Variants in ABCA9 observed in about 807,000 individuals in gnomAD.
The protein encoded by ABCA9 is ATP binding cassette subfamily A member 9.
In ABCA9, 183 loss-of-function variants were observed where a neutral mutation model predicts 205.3. The ratio of observed to expected loss-of-function variants is 0.89; its 90% CI spans 0.79 to 1.01. The LOEUF (loss-of-function observed/expected upper bound fraction) is 1.01. ABCA9 is among the 50% of genes least tolerant of loss of function. ABCA9 has a pLI of 0.00. For missense variants in ABCA9, 1,805 were observed against 1,912.4 expected (o/e 0.94, Z 1.05); for synonymous variants, 651 against 683.3 (o/e 0.95, Z 0.74).
chr17:69,049,461 CA>C lies in ABCA9; in HGVS notation c.125del (p.Leu42ArgfsTer27). 1 of 1,612,410 alleles carries C rather than the reference CA, an allele frequency of 6.2e-7. No homozygotes were observed. Among genetic ancestry groups the C allele is most frequent in the Non-Finnish European group, 8.5e-7 (1 of 1,179,150 alleles). Reference protein sequence around the residue: ...LEWLFSFLLVLFLYLFFSNLH... With the variant: ...LEWLFSFLLVXFLYLFFSNLH... Reference sequence around the variant, plus strand: ...AATTGGAGAAAAATAGGTACAGAAACAGTACCAGAAGAAATGAAAAGAGCCA... The same window carrying C: ...AATTGGAGAAAAATAGGTACAGAAACGTACCAGAAGAAATGAAAAGAGCCA... On this transcript the variant is annotated frameshift_variant, in exon 3 of 39. Transcript: ENST00000340001. LOFTEE classifies it high-confidence loss of function.
the ABCA9 span, chr17:69,078,821 G>A: frequency 4.0e-6 from 2 of 503,060 alleles, no homozygotes; most frequent in Non-Finnish European, 6.8e-6. Flanking sequence ...TTGAGAGGAA[G>A]AATAATTTTA....
chr17:69,078,671 T>C, the ABCA9 span: 1 of 205,770 alleles, frequency 4.9e-6, no homozygotes, highest in East Asian at 1.2e-4. Flanking sequence ...GAATGTTTTG[T>C]AAAAGGTAAA....
At chr17:69,078,805 C>T in the ABCA9 span, 1 of 473,236 alleles carries the variant, frequency 2.1e-6, no homozygotes, top group Non-Finnish European at 3.6e-6. Flanking sequence ...GCTATCACCC[C>T]TATGTTTGAG....
chr17:68,983,970 C>T lies in ABCA9; in HGVS notation c.4499+86G>A, dbSNP rs146582716. On this transcript the variant is annotated intron_variant, in intron 35 of 38. Transcript: ENST00000340001. ...GTTGGAAGCAACCATGCTAGCTCCT[C>T]ACGATGGGTAGCCTGGTGCAGGGAA... 6.8e-4 allele frequency: 1,084 copies of T among 1,602,002 alleles called. 2 individuals are homozygous for T. The highest frequency in any genetic ancestry group is 7.3e-4 in the Non-Finnish European group (861 of 1,172,578).
At chr17:69,020,284 G>A (rs942532728) in intron 19 of ABCA9, 104 bp downstream of exon 19, 1 of 1,059,232 alleles carries the variant, frequency 9.4e-7, no homozygotes, top group Non-Finnish European at 1.4e-6. Flanking sequence ...AAGACAATGT[G>A]CATTTACTGA....
At chr17:69,008,303 C>G in intron 23 of ABCA9, 68 bp from the exon 24 acceptor site, 5 of 1,431,166 alleles carry the variant, frequency 3.5e-6, no homozygotes, top group Non-Finnish European at 4.9e-6. Flanking sequence ...TGCAAATATA[C>G]AGTCATGAAA....
chr17:69,052,726 G>T (rs1257639721), intron 1 of ABCA9, among the ~76,000 whole-genome samples: 1 of 152,104 alleles, frequency 6.6e-6, no homozygotes, highest in Non-Finnish European at 1.5e-5. Context: ...AGTTACAGCA[G>T]ATCCCACAGA....
chr17:68,995,907 G>T lies in ABCA9; in HGVS notation c.3543C>A (p.Phe1181Leu), dbSNP rs2144068049. ...IPPFTLIGSL[F>L]IFSEISPDSM... ...TGGAACTACTTACCTCAGAAAAAAT[G>T]AATAGAGAGCCAATCAATGTGAAGG... The change falls in exon 26 of 39, where the codon TTC becomes TTA. Residue 1181 changes from phenylalanine to leucine, a missense_variant. Phe to Leu is a conservative substitution (Grantham distance 22). Transcript: ENST00000340001. 1 of 1,613,584 alleles carries T rather than the reference G, an allele frequency of 6.2e-7. No homozygotes were observed. Among genetic ancestry groups the T allele is most frequent in the South Asian group, 1.1e-5 (1 of 91,068 alleles).
At chr17:69,007,314 T>C (rs2070180941) in intron 25 of ABCA9, among the ~76,000 whole-genome samples, 1 of 152,096 alleles carries the variant, frequency 6.6e-6, no homozygotes, top group Non-Finnish European at 1.5e-5. Context: ...GGCAGGAGAA[T>C]TGCTTGAACA....
chr17:69,059,760 A>G (rs1055448), intron 1 of ABCA9, among the ~76,000 whole-genome samples: 131,372 of 151,716 alleles, frequency 0.87, 57,967 homozygotes, highest in East Asian at 1. Flanking sequence ...AGAACAAGAC[A>G]GGAAGACATT....
chr17:69,045,829 C>T (rs1269629872), intron 3 of ABCA9, among the ~76,000 whole-genome samples: 2 of 152,076 alleles, frequency 1.3e-5, no homozygotes, highest in Admixed American at 6.6e-5. Context: ...TGGGAGAAAC[C>T]ACCCCCATAA....
intron 25 of ABCA9, among the ~76,000 whole-genome samples, chr17:68,997,211 G>A (rs1195792380): frequency 2.6e-5 from 4 of 152,250 alleles, no homozygotes; most frequent in South Asian, 4.1e-4. Flanking sequence ...GATTACAGGC[G>A]TGAGCCATTG....
Position 69,016,391 on chromosome 17 carries a change from C to T in ABCA9, c.2902-1G>A, listed in dbSNP as rs1419397281. On this transcript the variant is annotated splice_acceptor_variant, in intron 21 of 38. Transcript: ENST00000340001. LOFTEE classifies it high-confidence loss of function. Reference sequence around the variant, plus strand: ...TACATGCTATTGAAAATCTGTGATCCTGAAATACAACAAGTACCAATTCGA... The same window carrying T: ...TACATGCTATTGAAAATCTGTGATCTTGAAATACAACAAGTACCAATTCGA... 1.9e-6 allele frequency: 3 copies of T among 1,572,844 alleles called. No individual in the cohort carries two copies. The highest frequency in any genetic ancestry group is 2.6e-6 in the Non-Finnish European group (3 of 1,164,566).
intron 25 of ABCA9, among the ~76,000 whole-genome samples, chr17:69,005,628 A>G (rs1166066857): frequency 6.6e-6 from 1 of 152,172 alleles, no homozygotes. Flanking sequence ...TGGCCACCAC[A>G]TTTCCACTTC....
At position 69,043,491 on chromosome 17, in the gene ABCA9, G is replaced by A. The variant is rs776542756; in HGVS notation, c.798C>T (p.Phe266=). Reference sequence around the variant, plus strand: ...TGGATTGGAGTCATATGATTTACCAGAATGCTGACTCTCGGAGTCCCATCA... The same window carrying A: ...TGGATTGGAGTCATATGATTTACCAAAATGCTGACTCTCGGAGTCCCATCA... The part of the protein sequence containing the change: ...MTMMGLRESA[F]WLSWGLMYAG... The change falls in exon 6 of 39, where the codon TTC becomes TTT. Residue 266 remains phenylalanine (F), a splice_region_variant and synonymous_variant. Coordinates refer to ENST00000340001, the MANE Select transcript of ABCA9 (RefSeq NM_080283.4). 1 of 1,577,754 alleles carries A rather than the reference G, an allele frequency of 6.3e-7. No homozygotes were observed. Among genetic ancestry groups the A allele is most frequent in the South Asian group, 1.2e-5 (1 of 85,322 alleles).
intron 15 of ABCA9, 128 bp downstream of exon 15, chr17:69,026,848 G>C (rs1043570369): frequency 3.4e-6 from 4 of 1,181,988 alleles, no homozygotes; most frequent in Non-Finnish European, 4.7e-6. Flanking sequence ...CCACAAATGA[G>C]TAAGAGCAAA....
At position 68,989,823 on chromosome 17, in the gene ABCA9, A is replaced by C; in HGVS notation, c.3945T>G (p.Cys1315Trp). 1 of 1,582,142 alleles carries C rather than the reference A, an allele frequency of 6.3e-7. No individual in the cohort carries two copies. Among genetic ancestry groups the C allele is most frequent in the Non-Finnish European group, 8.7e-7 (1 of 1,152,408 alleles). ...ACTACTGTTTCCAACCTTTTTTAAC[A>C]CAAAAAGAGACATTTCTTGTGGCAA... ...KKIATRNVSF[C>W]VKKGEVIGLL... Residue 1315 changes from cysteine (C) to tryptophan (W), a missense_variant, in exon 30 of 39, where the codon TGT becomes TGG. Coordinates refer to ENST00000340001, the MANE Select transcript of ABCA9 (RefSeq NM_080283.4).
At chr17:69,001,716 G>C (rs1220864080) in intron 25 of ABCA9, among the ~76,000 whole-genome samples, 1 of 149,346 alleles carries the variant, frequency 6.7e-6, no homozygotes, top group South Asian at 2.1e-4. Context: ...TTGTACCTCT[G>C]GTAGAATTCG....
chr17:68,984,175 C>G lies in ABCA9; in HGVS notation c.4380G>C (p.Trp1460Cys). The G allele has an allele frequency of 6.2e-7, 1 of 1,613,690 alleles. No individual in the cohort carries two copies. Among genetic ancestry groups the G allele is most frequent in the Non-Finnish European group, 8.5e-7 (1 of 1,179,846 alleles). Residue 1460 changes from tryptophan (W) to cysteine (C), a missense_variant and splice_region_variant, in exon 35 of 39, where the codon TGG becomes TGC. Physicochemically the swap from Trp to Cys is radical, Grantham distance 215 (BLOSUM62 -2). Transcript: ENST00000340001. ...TTCTAAAGGTGGCCCGAATCACCTG[C>G]CTAAAGTTAAGTCAAGAGAAAACGT... Reference protein sequence around the residue: ...GMDPEGQQQMWQVIRATFRNT... With the variant: ...GMDPEGQQQMCQVIRATFRNT...
Sources: gnomAD v4.1 joint callset for allele counts (sites outside exome capture counted in the v4.1 genomes callset) on GRCh38, gnomAD v4.1.1 for gene constraint, MANE v1.5 for transcripts, NCBI Gene and HGNC (gene_info 2026-07-23, HGNC 2026-07-21) for gene names.